Variants in LRGUK observed in about 807,000 individuals in gnomAD.
LRGUK encodes the protein leucine rich repeats and guanylate kinase domain containing.
LRGUK carries 65 observed loss-of-function variants against 76.0 expected under a neutral mutation model. That is an observed-to-expected ratio of 0.85 (90% CI 0.70 to 1.05). The LOEUF (loss-of-function observed/expected upper bound fraction) is 1.05. Ranked by LOEUF, LRGUK falls within the 50% of genes least tolerant of loss-of-function variation. LRGUK has a pLI of 0.00. For synonymous variants in LRGUK, 268 were observed against 265.6 expected (o/e 1.01, Z -0.09); for missense variants, 758 against 732.8 (o/e 1.03, Z -0.40).
chr7:134,241,372 T>C (rs879823671), intron 16 of LRGUK, among the ~76,000 whole-genome samples: 36 of 151,372 alleles, frequency 2.4e-4, no homozygotes, highest in Non-Finnish European at 4.4e-4. Flanking sequence ...ACCAAGCAAA[T>C]GGAAAACAGA....
intron 7 of LRGUK, among the ~76,000 whole-genome samples, chr7:134,169,694 A>G (rs1799165139): frequency 6.6e-6 from 1 of 152,166 alleles, no homozygotes; most frequent in African/African-American, 2.4e-5. Context: ...GTTCCCAGGT[A>G]GGAAACAAAT....
At chr7:134,139,049 T>TA in intron 2 of LRGUK, among the ~76,000 whole-genome samples, 1 of 152,316 alleles carries the variant, frequency 6.6e-6, no homozygotes, top group East Asian at 1.9e-4. Context: ...GAATTCTCTT[T>TA]AAAACTTCAT....
intron 1 of LRGUK, among the ~76,000 whole-genome samples, chr7:134,129,516 A>G (rs1235553945): frequency 4.2e-5 from 6 of 141,976 alleles, no homozygotes; most frequent in Non-Finnish European, 9.1e-5. Flanking sequence ...TCTGTCACCC[A>G]GACTGGAATA....
chr7:134,170,084 A>C (rs1015277343), intron 7 of LRGUK, among the ~76,000 whole-genome samples: 23 of 152,052 alleles, frequency 1.5e-4, no homozygotes, highest in African/African-American at 5.3e-4. Context: ...ATTTTATATA[A>C]AAATTTTTGA....
chr7:134,222,758 G>A (rs539735951), intron 16 of LRGUK, among the ~76,000 whole-genome samples: 223 of 152,130 alleles, frequency 1.5e-3, no homozygotes, highest in African/African-American at 5.1e-3. Flanking sequence ...ACAGGCATGC[G>A]CCACCATGCC....
intron 18 of LRGUK, among the ~76,000 whole-genome samples, chr7:134,252,348 T>TAAATC (rs1242739028): frequency 7.3e-6 from 1 of 137,118 alleles, no homozygotes; most frequent in African/African-American, 3.2e-5. Context: ...ATAATTAAAT[T>TAAATC]AAATTAAATT....
intron 12 of LRGUK, among the ~76,000 whole-genome samples, chr7:134,195,001 C>A (rs1800419584): frequency 6.6e-6 from 1 of 152,070 alleles, no homozygotes; most frequent in African/African-American, 2.4e-5. Context: ...TTTTTAAGGA[C>A]AACTTAGTGG....
intron 16 of LRGUK, among the ~76,000 whole-genome samples, chr7:134,223,642 G>C (rs1801658500): frequency 6.6e-6 from 1 of 152,116 alleles, no homozygotes; most frequent in African/African-American, 2.4e-5. Context: ...CACAATCCTG[G>C]GAAATTGCAG....
intron 6 of LRGUK, among the ~76,000 whole-genome samples, chr7:134,161,535 A>T (rs1261374488): frequency 1.3e-5 from 2 of 152,090 alleles, no homozygotes; most frequent in Non-Finnish European, 2.9e-5. Context: ...ACATGTTTTT[A>T]AAAGCCATAT....
intron 13 of LRGUK, among the ~76,000 whole-genome samples, chr7:134,198,687 G>C (rs1371465504): frequency 1.3e-5 from 2 of 152,174 alleles, no homozygotes; most frequent in Non-Finnish European, 2.9e-5. Flanking sequence ...AGACCAGTCA[G>C]TTCCTTACAC....
downstream of LRGUK, among the ~76,000 whole-genome samples, chr7:134,210,693 C>T (rs991503221): frequency 1.3e-5 from 2 of 152,174 alleles, no homozygotes; most frequent in Non-Finnish European, 2.9e-5. Context: ...GAGATTGCTT[C>T]GCAATCCCCA....
chr7:134,203,830 C>T (rs1800890232), intron 15 of LRGUK, among the ~76,000 whole-genome samples: 1 of 152,202 alleles, frequency 6.6e-6, no homozygotes, highest in African/African-American at 2.4e-5. Flanking sequence ...GTGAGTGTAT[C>T]TAATGAGGCT....
At chr7:134,245,577 C>T (rs527348563) in intron 16 of LRGUK, among the ~76,000 whole-genome samples, 18 of 152,234 alleles carry the variant, frequency 1.2e-4, no homozygotes, top group Middle Eastern at 3.4e-3. Flanking sequence ...TTTTTGATTT[C>T]GCTATTTAGT....
chr7:134,176,894 C>T (rs1193334600), intron 8 of LRGUK, 83 bp from the exon 9 acceptor site: 1 of 776,188 alleles, frequency 1.3e-6, no homozygotes, highest in Non-Finnish European at 2.2e-6. Context: ...GTGAAAGGCC[C>T]AAGCTCATGA....
chr7:134,258,602 G>A (rs1802643834), intron 19 of LRGUK, among the ~76,000 whole-genome samples, 197 bp downstream of exon 19: 1 of 151,750 alleles, frequency 6.6e-6, no homozygotes, highest in Admixed American at 6.6e-5. Context: ...GGGAGGCTGA[G>A]GCAAGAGAAT....
At chr7:134,229,954 A>G (rs1353960845) in intron 16 of LRGUK, among the ~76,000 whole-genome samples, 1 of 152,194 alleles carries the variant, frequency 6.6e-6, no homozygotes, top group African/African-American at 2.4e-5. Context: ...AATGTAAGAT[A>G]ATATTTTTAT....
chr7:134,188,438 T>C (rs1006190620), intron 11 of LRGUK, among the ~76,000 whole-genome samples: 3 of 152,062 alleles, frequency 2.0e-5, no homozygotes, highest in Admixed American at 6.5e-5. Context: ...AGAAAGCGTA[T>C]CCTGTTGGCA....
intron 7 of LRGUK, among the ~76,000 whole-genome samples, chr7:134,171,738 C>G (rs1267118905): frequency 6.6e-6 from 1 of 152,116 alleles, no homozygotes; most frequent in Non-Finnish European, 1.5e-5. Flanking sequence ...TATAACCTTT[C>G]TGGTGGTATT....
downstream of LRGUK, chr7:134,210,384 A>T (rs1442976189): frequency 2.0e-5 from 8 of 396,386 alleles, no homozygotes; most frequent in Non-Finnish European, 2.7e-5. Context: ...CAAGAAGATT[A>T]AAAAAAACAT....
Sources: gnomAD v4.1 joint callset for allele counts (sites outside exome capture counted in the v4.1 genomes callset) on GRCh38, gnomAD v4.1.1 for gene constraint, MANE v1.5 for transcripts, NCBI Gene and HGNC (gene_info 2026-07-23, HGNC 2026-07-21) for gene names.